ARPC2: variants seen among roughly 807,000 people sequenced by gnomAD.
The protein encoded by ARPC2 is actin related protein 2/3 complex subunit 2.
In ARPC2, 4 loss-of-function variants were observed where a neutral mutation model predicts 38.6. The observed-to-expected ratio is 0.10, with a 90% CI of 0.05 to 0.24. The LOEUF is 0.24. Ranked by LOEUF, ARPC2 falls within the 10% of genes least tolerant of loss-of-function variation. ARPC2 has a pLI of 1.00. For synonymous variants in ARPC2, 125 were observed against 140.8 expected (o/e 0.89, Z 0.79); for missense variants, 229 against 387.3 (o/e 0.59, Z 3.43).
At chr2:218,253,505 A>G (rs141238223) in intron 10 of ARPC2, among the ~76,000 whole-genome samples, 3 of 152,348 alleles carry the variant, frequency 2.0e-5, no homozygotes, top group African/African-American at 4.8e-5. Flanking sequence ...CCTGAGAGGT[A>G]TACACTGTGT....
rs75385878 is a variant in ARPC2 at position 218,225,246 on chromosome 2, G to A, written c.75-674G>A. On this transcript the variant is annotated intron_variant, in intron 2 of 10. Coordinates refer to ENST00000315717, the MANE Select transcript of ARPC2 (RefSeq NM_152862.3). Reference sequence around the variant, plus strand: ...AGAAAGCTAAAGTTGTAAAGCAGATGTCCTGACTATTCTTAGTGATTTCAT... The same window carrying A: ...AGAAAGCTAAAGTTGTAAAGCAGATATCCTGACTATTCTTAGTGATTTCAT... 9.3e-4 allele frequency among the ~76,000 whole-genome samples: 141 copies of A among 152,320 alleles called. 1 individual carries two copies. The East Asian group carries it at 0.021, about 23-fold the overall frequency.
chr2:218,254,094 T>C lies in ARPC2; in HGVS notation c.*179T>C. 1 of 563,996 alleles carries C rather than the reference T, an allele frequency of 1.8e-6. No homozygotes were observed. The highest frequency in any genetic ancestry group is 2.9e-6 in the Non-Finnish European group (1 of 343,008). The allele number at this position is 563,996 out of a possible 1,614,324, so 34.9% of individuals were successfully genotyped here. A position where few individuals can be genotyped will look rare whatever the true frequency, so the allele number is the denominator to read the frequency against. On this transcript the variant is annotated 3_prime_UTR_variant, in exon 11 of 11. Transcript: ENST00000315717. ...ACGAGCTGTGCTTGCAAAGACTTCA[T>C]AGTTCCCAAGAATTAAAAAAAAAAA... is the stretch of plus-strand genomic sequence containing the variant.
intron 8 of ARPC2, 29 bp downstream of exon 8, chr2:218,245,575 G>A: frequency 6.2e-7 from 1 of 1,613,372 alleles, no homozygotes. Context: ...CTGCTTTTGT[G>A]CCGCTTTAAT....
At chr2:218,249,738 TTGA>T (rs767658870) in intron 9 of ARPC2, 80 bp from the exon 10 acceptor site, 353 of 1,373,642 alleles carry the variant, frequency 2.6e-4, no homozygotes, top group Admixed American at 6.8e-4. Flanking sequence ...CCAACCGCCC[TTGA>T]TGACCTCTCT....
intron 2 of ARPC2, among the ~76,000 whole-genome samples, chr2:218,222,866 A>T (rs1689415960): frequency 6.6e-6 from 1 of 152,174 alleles, no homozygotes; most frequent in Non-Finnish European, 1.5e-5. Flanking sequence ...TAACTACTAC[A>T]TATTAAGTAA....
In ARPC2 at chr2:218,217,672, C is replaced by T. The variant is rs975933372; in HGVS notation, c.74+128C>T. The T allele has an allele frequency of 2.7e-5, 27 of 1,015,796 alleles. No individual in the cohort carries two copies. In the Admixed American group the frequency reaches 3.5e-4, roughly 13 times the overall value. The allele number at this position is 1,015,796 out of a possible 1,614,324, so 62.9% of individuals were successfully genotyped here. A position where few individuals can be genotyped will look rare whatever the true frequency, so the allele number is the denominator to read the frequency against. ...TGCCTGGCAGGGTGTAGGGGCTGCC[C>T]CAGCGGGGTAGACGTGGGAGGCGAT... is the stretch of plus-strand genomic sequence containing the variant. On this transcript the variant is annotated intron_variant, in intron 2 of 10. Transcript: ENST00000315717.
At chr2:218,240,902 A>AG (rs67820567) in intron 7 of ARPC2, among the ~76,000 whole-genome samples, 4,645 of 144,166 alleles carry the variant, frequency 0.032, 73 homozygotes, top group African/African-American at 0.035. Flanking sequence ...TCAAAAAAAA[A>AG]GAGAGTCCTG....
chr2:218,253,446 C>T (rs1317311336), intron 10 of ARPC2, among the ~76,000 whole-genome samples: 1 of 152,204 alleles, frequency 6.6e-6, no homozygotes, highest in Non-Finnish European at 1.5e-5. Context: ...TGCTCTGAAC[C>T]AGCCACCTGC....
chr2:218,247,492 TTCTC>T (rs1239271827), intron 8 of ARPC2, among the ~76,000 whole-genome samples: 1 of 152,166 alleles, frequency 6.6e-6, no homozygotes, highest in Non-Finnish European at 1.5e-5. Flanking sequence ...TCTTTTTTCT[TTCTC>T]TCTGTCACCC....
At chr2:218,232,460 G>A (rs893218050) in intron 4 of ARPC2, among the ~76,000 whole-genome samples, 9 of 152,008 alleles carry the variant, frequency 5.9e-5, no homozygotes, top group South Asian at 4.1e-4. Flanking sequence ...GTCCAAGAGC[G>A]TGGCACCAGC....
chr2:218,229,759 C>G (rs1335686869), intron 4 of ARPC2, among the ~76,000 whole-genome samples: 1 of 152,128 alleles, frequency 6.6e-6, no homozygotes, highest in Non-Finnish European at 1.5e-5. Context: ...CTTAGTTATT[C>G]AAATGCAATT....
intron 1 of ARPC2, 63 bp downstream of exon 1, chr2:218,217,317 C>A (rs1202637903): frequency 4.4e-6 from 3 of 675,724 alleles, no homozygotes; most frequent in Non-Finnish European, 7.8e-6. Context: ...TCGTCTTACC[C>A]TTCCCTCCAC....
chr2:218,247,406 G>A (rs1407957942), intron 8 of ARPC2, among the ~76,000 whole-genome samples: 1 of 152,230 alleles, frequency 6.6e-6, no homozygotes, highest in East Asian at 1.9e-4. Context: ...CACCTCAGTG[G>A]TAAAGGTGAA....
In ARPC2 at chr2:218,238,695, A is replaced by T; in HGVS notation, c.300A>T (p.Glu100Asp). The change falls in exon 6 of 11, where the codon GAA becomes GAT. Residue 100 changes from glutamate (E) to aspartate (D), a missense_variant. Physicochemically the swap from Glu to Asp is conservative, Grantham distance 45. Around this residue, in one of 3 missense-constraint regions of ARPC2, gnomAD observed 135 missense variants for 214.1 expected, o/e 0.63. Transcript: ENST00000315717. ...ATGTCTCTTTGCTATATGACCTTGA[A>T]AATCTTCCGGCATCCAAGGATTCCA... ...GYNVSLLYDL[E>D]NLPASKDSIV... 6.2e-7 allele frequency: 1 copy of T among 1,613,134 alleles called. No individual in the cohort carries two copies. The highest frequency in any genetic ancestry group is 8.5e-7 in the Non-Finnish European group (1 of 1,179,804).
chr2:218,231,443 C>A (rs948703398), intron 4 of ARPC2, among the ~76,000 whole-genome samples: 7 of 152,090 alleles, frequency 4.6e-5, no homozygotes, highest in Admixed American at 2.6e-4. Flanking sequence ...AAACTAAATC[C>A]CCACCACATC....
chr2:218,254,017 G>A lies in ARPC2; in HGVS notation c.*102G>A, dbSNP rs775446564. On this transcript the variant is annotated 3_prime_UTR_variant, in exon 11 of 11. Coordinates refer to ENST00000315717, the MANE Select transcript of ARPC2 (RefSeq NM_152862.3). Reference sequence around the variant, plus strand: ...GTTGCGCCTCTTCAGGTTCTTAAGGGATTCTCCGTTTTGGTTCCATTTTGT... The same window carrying A: ...GTTGCGCCTCTTCAGGTTCTTAAGGAATTCTCCGTTTTGGTTCCATTTTGT... 5.3e-6 allele frequency: 8 copies of A among 1,509,780 alleles called. No individual in the cohort carries two copies. The African/African-American group carries it at 9.7e-5, about 18-fold the overall frequency. The allele number at this position is 1,509,780 out of a possible 1,614,324, so 93.5% of individuals were successfully genotyped here. A position where few individuals can be genotyped will look rare whatever the true frequency, so the allele number is the denominator to read the frequency against.
At chr2:218,225,118 A>G (rs1689467664) in intron 2 of ARPC2, among the ~76,000 whole-genome samples, 1 of 152,218 alleles carries the variant, frequency 6.6e-6, no homozygotes, top group African/African-American at 2.4e-5. Flanking sequence ...TATATGTAGT[A>G]GTTCCATGAG....
At chr2:218,239,879 C>T (rs1689868463) in intron 7 of ARPC2, among the ~76,000 whole-genome samples, 1 of 152,096 alleles carries the variant, frequency 6.6e-6, no homozygotes, top group Non-Finnish European at 1.5e-5. Context: ...GCATGAGCCA[C>T]CATGCCCAGC....
chr2:218,243,359 C>T (rs189413282), intron 7 of ARPC2, among the ~76,000 whole-genome samples: 70 of 152,304 alleles, frequency 4.6e-4, no homozygotes, highest in Middle Eastern at 6.8e-3. Flanking sequence ...AGTAAAAAGG[C>T]AATATTGCTT....
Sources: allele counts gnomAD v4.1 joint callset (sites outside exome capture counted in the v4.1 genomes callset), GRCh38; gene constraint gnomAD v4.1.1; regional missense constraint gnomAD v4.1.1; transcripts MANE v1.5; gene names NCBI Gene and HGNC (gene_info 2026-07-23, HGNC 2026-07-21).